The following FAT3 variants were observed in gnomAD, a reference collection of about 807,000 sequenced individuals.
FAT3 encodes protocadherin Fat 3.
Under a neutral mutation model 310.2 loss-of-function variants are expected in FAT3, and 95 were observed. That is an observed-to-expected ratio of 0.31 (90% CI 0.26 to 0.36). The LOEUF is 0.36. Ranked by LOEUF, FAT3 falls within the 10% of genes least tolerant of loss-of-function variation. The pLI is 1.00. For synonymous variants in FAT3, 2,314 were observed against 2,192.9 expected (o/e 1.06, Z -1.54); for missense variants, 5,408 against 5,715.6 (o/e 0.95, Z 1.74).
At chr11:92,296,341 A>G (rs1351411374) in intron 1 of FAT3, among the ~76,000 whole-genome samples, 1 of 152,090 alleles carries the variant, frequency 6.6e-6, no homozygotes, top group Non-Finnish European at 1.5e-5. Flanking sequence ...CTCAGCTTCC[A>G]TCTCTGGGAA....
At chr11:92,430,006 G>C (rs1469297128) in intron 2 of FAT3, among the ~76,000 whole-genome samples, 1 of 152,094 alleles carries the variant, frequency 6.6e-6, no homozygotes. Flanking sequence ...ATCACTTTCA[G>C]GTATACTAAT....
intron 1 of FAT3, among the ~76,000 whole-genome samples, chr11:92,273,937 GGTTT>G (rs1179499499): frequency 6.6e-6 from 1 of 152,032 alleles, no homozygotes; most frequent in Non-Finnish European, 1.5e-5. Context: ...CTTTATGACG[GGTTT>G]GTTTATCAGC....
At chr11:92,729,602 A>G (rs752010464) in intron 4 of FAT3, among the ~76,000 whole-genome samples, 21 of 151,576 alleles carry the variant, frequency 1.4e-4, no homozygotes, top group Non-Finnish European at 2.7e-4. Flanking sequence ...AATTTTTTGT[A>G]TTTTAGTAGA....
At chr11:92,534,814 T>C (rs540559637) in intron 3 of FAT3, among the ~76,000 whole-genome samples, 105 of 152,184 alleles carry the variant, frequency 6.9e-4, no homozygotes, top group Non-Finnish European at 1.1e-3. Flanking sequence ...AACATACAAA[T>C]GTATTTAACT....
chr11:92,626,476 T>C (rs1941341822), intron 3 of FAT3, among the ~76,000 whole-genome samples: 1 of 152,100 alleles, frequency 6.6e-6, no homozygotes, highest in Non-Finnish European at 1.5e-5. Context: ...TATCTCTTTT[T>C]TTTTTTTTCC....
In FAT3 at chr11:92,315,455, A is replaced by ATGTG. The variant is rs1157835093; in HGVS notation, c.-17-36619_-17-36616dup. Among the ~76,000 whole-genome samples, 753 of 107,414 alleles carry ATGTG rather than the reference A, an allele frequency of 7.0e-3. 6 individuals carry two copies. The highest frequency in any genetic ancestry group is 0.01 in the South Asian group (33 of 3,270). 70.5% of individuals were successfully genotyped at this position (107,414 alleles called of 152,430 possible). A position where few individuals can be genotyped will look rare whatever the true frequency, so the allele number is the denominator to read the frequency against. Reference sequence around the variant, plus strand: ...AACCTCAGTGTGTGTGTGTATATATATGTGTGTGTGTGTGTGTGTGTGTGT... The same window carrying ATGTG: ...AACCTCAGTGTGTGTGTGTATATATATGTGTGTGTGTGTGTGTGTGTGTGTGTGT... On this transcript the variant is annotated intron_variant, in intron 1 of 27. Transcript: ENST00000525166.
At chr11:92,890,414 C>G (rs1228026757) in intron 27 of FAT3, 77 bp from the exon 28 acceptor site, 1 of 1,499,546 alleles carries the variant, frequency 6.7e-7, no homozygotes, top group Non-Finnish European at 8.9e-7. Flanking sequence ...CATGTCAGGT[C>G]CCTTCCCTGC....
intron 22 of FAT3, among the ~76,000 whole-genome samples, chr11:92,869,982 G>C (rs997166688): frequency 2.0e-5 from 3 of 152,140 alleles, no homozygotes; most frequent in African/African-American, 7.2e-5. Flanking sequence ...TGCACATGAG[G>C]CTGATAACAA....
intron 6 of FAT3, among the ~76,000 whole-genome samples, chr11:92,772,443 C>A (rs962986791): frequency 6.6e-6 from 1 of 151,970 alleles, no homozygotes; most frequent in African/African-American, 2.4e-5. Flanking sequence ...TTGTTATCAA[C>A]ATGAAACATT....
intron 3 of FAT3, among the ~76,000 whole-genome samples, chr11:92,657,818 T>C (rs1470243300): frequency 2.0e-5 from 3 of 152,214 alleles, no homozygotes; most frequent in Non-Finnish European, 4.4e-5. Flanking sequence ...TGGGACATGT[T>C]AGACCCAACT....
intron 5 of FAT3, among the ~76,000 whole-genome samples, chr11:92,763,287 G>A (rs150682579): frequency 1.0e-3 from 159 of 152,116 alleles, no homozygotes; most frequent in African/African-American, 3.1e-3. Flanking sequence ...TGGTCTAGAC[G>A]TGGGCTCCTT....
At chr11:92,876,730 T>A (rs547268532) in intron 22 of FAT3, among the ~76,000 whole-genome samples, 96 of 152,362 alleles carry the variant, frequency 6.3e-4, no homozygotes, top group African/African-American at 2.3e-3. Flanking sequence ...TGTGAACCTA[T>A]GAACACACAA....
At chr11:92,408,490 G>A (rs1950183518) in intron 2 of FAT3, among the ~76,000 whole-genome samples, 1 of 152,200 alleles carries the variant, frequency 6.6e-6, no homozygotes, top group Admixed American at 6.5e-5. Context: ...CATGGGAGCA[G>A]TAATCACAGC....
intron 4 of FAT3, among the ~76,000 whole-genome samples, chr11:92,737,972 T>C (rs1945401871): frequency 6.6e-6 from 1 of 152,140 alleles, no homozygotes; most frequent in Non-Finnish European, 1.5e-5. Flanking sequence ...TTGTTCTCAT[T>C]GAGACAGGGC....
intron 2 of FAT3, among the ~76,000 whole-genome samples, chr11:92,452,571 A>G (rs1317135545): frequency 6.6e-6 from 1 of 152,300 alleles, no homozygotes; most frequent in African/African-American, 2.4e-5. Context: ...AAAGGTTGTT[A>G]AAGTACTACA....
intron 2 of FAT3, among the ~76,000 whole-genome samples, chr11:92,381,218 C>T (rs1949486000): frequency 6.6e-6 from 1 of 152,168 alleles, no homozygotes. Context: ...TCTTATATAT[C>T]TAGGAGTTGG....
At chr11:92,859,420 T>A in intron 21 of FAT3, 98 bp downstream of exon 21, 2 of 1,263,756 alleles carry the variant, frequency 1.6e-6, no homozygotes, top group Non-Finnish European at 2.1e-6. Flanking sequence ...TCTTTTAAGT[T>A]CAGAAGACCA....
intron 1 of FAT3, among the ~76,000 whole-genome samples, chr11:92,275,097 C>T (rs964028953): frequency 5.9e-5 from 9 of 152,052 alleles, no homozygotes; most frequent in Non-Finnish European, 8.8e-5. Flanking sequence ...GTGCCATGAA[C>T]GCCAAACCTT....
chr11:92,867,290 C>T, intron 22 of FAT3, 81 bp downstream of exon 22: 1 of 1,349,330 alleles, frequency 7.4e-7, no homozygotes, highest in Non-Finnish European at 9.9e-7. Context: ...CCTGCCCTCC[C>T]AACGCAAGGA....
Sources: gnomAD v4.1 joint callset for allele counts (sites outside exome capture counted in the v4.1 genomes callset) on GRCh38, gnomAD v4.1.1 for gene constraint, MANE v1.5 for transcripts, NCBI Gene and HGNC (gene_info 2026-07-23, HGNC 2026-07-21) for gene names.